Variants in PTPRO observed in about 807,000 individuals in gnomAD.
PTPRO encodes the protein protein tyrosine phosphatase receptor type O, also known as receptor-type tyrosine-protein phosphatase O.
In PTPRO, 62 loss-of-function variants were observed where a neutral mutation model predicts 145.2. The observed-to-expected ratio is 0.43, with a 90% CI of 0.35 to 0.53. The LOEUF (loss-of-function observed/expected upper bound fraction) is 0.53. Ranked by LOEUF, PTPRO falls within the 20% of genes least tolerant of loss-of-function variation. PTPRO has a pLI of 0.01. For synonymous variants in PTPRO, 565 were observed against 514.7 expected, an observed-to-expected ratio of 1.10 and a Z score of -1.32; for missense variants, 1,345 against 1,482.7, an observed-to-expected ratio of 0.91 and a Z score of 1.53.
At chr12:15,594,602 G>A (rs1043215498) in intron 25 of PTPRO, among the ~76,000 whole-genome samples, 2 of 151,504 alleles carry the variant, frequency 1.3e-5, no homozygotes, top group African/African-American at 4.9e-5. Flanking sequence ...GTGTTAACTA[G>A]CTTGATTGTG....
At chr12:15,411,750 A>G (rs752859256) in intron 1 of PTPRO, among the ~76,000 whole-genome samples, 9 of 152,234 alleles carry the variant, frequency 5.9e-5, no homozygotes, top group Non-Finnish European at 1.3e-4. Flanking sequence ...AATACAACCT[A>G]CTTAGAAAGT....
intron 1 of PTPRO, among the ~76,000 whole-genome samples, chr12:15,326,926 T>G (rs1174351193): frequency 6.6e-6 from 1 of 152,250 alleles, no homozygotes. Flanking sequence ...GTTGTAAATA[T>G]TTTTGAAATA....
intron 1 of PTPRO, among the ~76,000 whole-genome samples, chr12:15,477,420 G>T (rs978104183): frequency 1.3e-5 from 2 of 150,146 alleles, no homozygotes; most frequent in African/African-American, 4.9e-5. Flanking sequence ...GTTAGTGGGC[G>T]CAGCGCACCA....
intron 2 of PTPRO, among the ~76,000 whole-genome samples, chr12:15,495,035 A>G (rs1043931867): frequency 6.6e-6 from 1 of 152,162 alleles, no homozygotes; most frequent in African/African-American, 2.4e-5. Flanking sequence ...TTTTGAACTC[A>G]AAACAGAGTT....
intron 1 of PTPRO, among the ~76,000 whole-genome samples, chr12:15,345,077 A>C (rs1391691058): frequency 1.3e-5 from 2 of 152,092 alleles, no homozygotes; most frequent in African/African-American, 4.8e-5. Context: ...TATAACTTAC[A>C]CTTTACAGAG....
chr12:15,489,572 C>T (rs1447430293), intron 2 of PTPRO, among the ~76,000 whole-genome samples: 1 of 152,158 alleles, frequency 6.6e-6, no homozygotes, highest in Non-Finnish European at 1.5e-5. Context: ...TGTCTCTTAG[C>T]ATGCTAATGT....
At chr12:15,385,078 A>G (rs1367348772) in intron 1 of PTPRO, among the ~76,000 whole-genome samples, 1 of 152,238 alleles carries the variant, frequency 6.6e-6, no homozygotes, top group Non-Finnish European at 1.5e-5. Context: ...TATTTTTACC[A>G]GAAAATTTAT....
At chr12:15,508,241 T>G (rs1333655799) in intron 6 of PTPRO, among the ~76,000 whole-genome samples, 1 of 152,208 alleles carries the variant, frequency 6.6e-6, no homozygotes, top group Non-Finnish European at 1.5e-5. Flanking sequence ...CCTGATGAAA[T>G]GCCACATTGC....
At chr12:15,498,075 C>T (rs1310748589) in intron 3 of PTPRO, among the ~76,000 whole-genome samples, 1 of 82,362 alleles carries the variant, frequency 1.2e-5, no homozygotes, top group Non-Finnish European at 2.3e-5. Flanking sequence ...CAGGGCACAT[C>T]GGGTGGGGGT....
At chr12:15,442,327 G>A (rs968507399) in intron 1 of PTPRO, among the ~76,000 whole-genome samples, 2 of 151,970 alleles carry the variant, frequency 1.3e-5, no homozygotes, top group South Asian at 2.1e-4. Context: ...AAGAAACTAG[G>A]CATCAAAGGA....
At chr12:15,400,136 A>G (rs993109179) in intron 1 of PTPRO, among the ~76,000 whole-genome samples, 6 of 149,494 alleles carry the variant, frequency 4.0e-5, no homozygotes, top group Admixed American at 4.0e-4. Flanking sequence ...GATTACAGAC[A>G]TGCGCCACCA....
intron 1 of PTPRO, among the ~76,000 whole-genome samples, chr12:15,465,717 TAGAC>T (rs1591836020): frequency 6.6e-6 from 1 of 152,088 alleles, no homozygotes; most frequent in Admixed American, 6.5e-5. Flanking sequence ...AAATAGGACA[TAGAC>T]AGGGAAGCAG....
chr12:15,512,183 C>T (rs1471767761), intron 7 of PTPRO, among the ~76,000 whole-genome samples: 4 of 151,908 alleles, frequency 2.6e-5, no homozygotes, highest in African/African-American at 7.3e-5. Flanking sequence ...GGCGTAATCT[C>T]GGCTCACTGC....
intron 1 of PTPRO, among the ~76,000 whole-genome samples, chr12:15,419,559 T>A (rs1258113895): frequency 6.6e-6 from 1 of 151,742 alleles, no homozygotes; most frequent in Non-Finnish European, 1.5e-5. Context: ...AAGATAATGA[T>A]GTCCTCCAAG....
intron 1 of PTPRO, among the ~76,000 whole-genome samples, chr12:15,478,711 G>T (rs59004210): frequency 5.3e-5 from 8 of 151,786 alleles, no homozygotes; most frequent in African/African-American, 1.7e-4. Context: ...TCTCTCTGTC[G>T]CCCAGGCTGG....
intron 1 of PTPRO, among the ~76,000 whole-genome samples, chr12:15,438,491 A>T (rs937404136): frequency 2.6e-5 from 4 of 152,142 alleles, no homozygotes; most frequent in African/African-American, 9.6e-5. Flanking sequence ...ATGAACAAAA[A>T]GATAAACATC....
intron 1 of PTPRO, among the ~76,000 whole-genome samples, chr12:15,358,954 T>A (rs201839467): frequency 1.3e-5 from 2 of 152,374 alleles, no homozygotes; most frequent in South Asian, 4.1e-4. Flanking sequence ...CTGCTTTTTA[T>A]ATTTTATGGA....
chr12:15,580,129 A>C lies in PTPRO; in HGVS notation c.2997+14A>C. ...AACTATATTCCTGTAAGTAGAAAAAAAAAATCAGGCATCCCAAAGCTAACC... is the reference window on the plus strand; with the variant it reads ...AACTATATTCCTGTAAGTAGAAAAACAAAATCAGGCATCCCAAAGCTAACC... On this transcript the variant is annotated intron_variant, in intron 21 of 26. Coordinates refer to ENST00000281171, the MANE Select transcript of PTPRO (RefSeq NM_030667.3). 1 of 1,599,994 alleles carries C rather than the reference A, an allele frequency of 6.3e-7. No individual in the cohort carries two copies. Among genetic ancestry groups the C allele is most frequent in the Non-Finnish European group, 8.5e-7 (1 of 1,170,274 alleles).
At chr12:15,542,592 T>C (rs1173894282) in intron 12 of PTPRO, among the ~76,000 whole-genome samples, 1 of 152,216 alleles carries the variant, frequency 6.6e-6, no homozygotes, top group Non-Finnish European at 1.5e-5. Flanking sequence ...TACTATTCAT[T>C]TGAAACATAA....
Sources: allele counts gnomAD v4.1 joint callset (sites outside exome capture counted in the v4.1 genomes callset), GRCh38; gene constraint gnomAD v4.1.1; transcripts MANE v1.5; gene names NCBI Gene and HGNC (gene_info 2026-07-23, HGNC 2026-07-21).